Variants in CADPS2 observed in about 807,000 individuals in gnomAD.
CADPS2 encodes the protein calcium-dependent secretion activator 2.
A neutral mutation model predicts 172.5 loss-of-function variants in CADPS2; 93 were observed. The ratio of observed to expected loss-of-function variants is 0.54; its 90% CI spans 0.46 to 0.64. The LOEUF (loss-of-function observed/expected upper bound fraction) is 0.64, where lower values mean the gene tolerates loss of function less well. Ranked by LOEUF, CADPS2 falls within the 30% of genes least tolerant of loss-of-function variation. CADPS2 has a pLI of 0.00. For missense variants in CADPS2, 1,420 were observed against 1,565.9 expected (o/e 0.91, Z 1.57); for synonymous variants, 546 against 555.2 (o/e 0.98, Z 0.23).
intron 6 of CADPS2, among the ~76,000 whole-genome samples, chr7:122,592,914 C>A (rs973750261): frequency 6.6e-6 from 1 of 151,630 alleles, no homozygotes; most frequent in African/African-American, 2.4e-5. Flanking sequence ...GTGCAGCACA[C>A]CAACATGGCA....
rs185843501 is a variant in CADPS2, at chr7:122,871,844, T to G, written c.339+14155A>C. On this transcript the variant is annotated intron_variant, in intron 1 of 29. Transcript: ENST00000449022. Reference sequence around the variant, plus strand: ...GTTTTCTTCTAATACATCTGGCTACTTCTTCTCCATTTCCTTCTCCAGCTC... The same window carrying G: ...GTTTTCTTCTAATACATCTGGCTACGTCTTCTCCATTTCCTTCTCCAGCTC... Among the ~76,000 whole-genome samples the G allele has an allele frequency of 2.0e-3, 307 of 152,220 alleles. 1 individual carries two copies. The highest frequency in any genetic ancestry group is 0.011 in the South Asian group (51 of 4,828).
intron 2 of CADPS2, among the ~76,000 whole-genome samples, chr7:122,669,393 A>C (rs1354971823): frequency 6.6e-6 from 1 of 150,982 alleles, no homozygotes; most frequent in African/African-American, 2.4e-5. Flanking sequence ...CTACCCCCAC[A>C]CACTGAAATC....
chr7:122,558,573 C>T (rs978725394), intron 7 of CADPS2, among the ~76,000 whole-genome samples: 1 of 152,038 alleles, frequency 6.6e-6, no homozygotes, highest in Non-Finnish European at 1.5e-5. Flanking sequence ...TGTCACTTGT[C>T]ATCTTTGCTA....
intron 2 of CADPS2, among the ~76,000 whole-genome samples, chr7:122,709,753 T>C (rs528426177): frequency 4.6e-5 from 7 of 152,064 alleles, no homozygotes; most frequent in Non-Finnish European, 8.8e-5. Context: ...TCACGTCCTT[T>C]GTAGGGACAT....
intron 1 of CADPS2, among the ~76,000 whole-genome samples, chr7:122,835,450 T>C (rs370844646): frequency 5.3e-5 from 8 of 152,048 alleles, no homozygotes; most frequent in African/African-American, 1.9e-4. Context: ...CTTTGACGAG[T>C]TGAGAGAAGA....
intron 1 of CADPS2, among the ~76,000 whole-genome samples, chr7:122,778,167 A>C (rs139466959): frequency 0.019 from 2,876 of 152,266 alleles, 46 homozygotes; most frequent in Non-Finnish European, 0.03. Context: ...GATGGAGATA[A>C]GGAACCTGTT....
intron 2 of CADPS2, 75 bp from the exon 3 acceptor site, chr7:122,663,644 A>G: frequency 1.9e-6 from 2 of 1,058,830 alleles, no homozygotes; most frequent in Non-Finnish European, 2.7e-6. Flanking sequence ...ACTTGCTTTC[A>G]GCAATCCAGC....
Position 122,825,910 on chromosome 7 carries a change from T to C in CADPS2, c.339+60089A>G, listed in dbSNP as rs527483901. The stretch of plus-strand genomic sequence containing the variant: ...CAAGTGGGAGCGTAGAATTCTGCTC[T>C]GGAGAGAATTTCAAAAGGTGCCTAA... On this transcript the variant is annotated intron_variant, in intron 1 of 29. Transcript: ENST00000449022. Among the ~76,000 whole-genome samples the C allele has an allele frequency of 1.3e-4, 20 of 152,296 alleles. 1 individual carries two copies. In the South Asian group the frequency reaches 3.5e-3, roughly 27 times the overall value.
chr7:122,881,940 ATTCT>A (rs1823030165), intron 1 of CADPS2, among the ~76,000 whole-genome samples: 1 of 152,134 alleles, frequency 6.6e-6, no homozygotes, highest in Non-Finnish European at 1.5e-5. Context: ...TTCCTCACTA[ATTCT>A]TTGAGGCATG....
intron 3 of CADPS2, among the ~76,000 whole-genome samples, chr7:122,630,991 C>A (rs1291199584): frequency 1.3e-5 from 2 of 152,058 alleles, no homozygotes; most frequent in African/African-American, 2.4e-5. Flanking sequence ...TTTCTCTTCA[C>A]TGTGTCTAAA....
intron 3 of CADPS2, among the ~76,000 whole-genome samples, chr7:122,648,233 C>T (rs2078767828): frequency 6.6e-6 from 1 of 152,072 alleles, no homozygotes; most frequent in African/African-American, 2.4e-5. Flanking sequence ...TCCTTGTGTC[C>T]ACAGAACTCT....
intron 3 of CADPS2, among the ~76,000 whole-genome samples, chr7:122,658,544 A>G (rs1054026683): frequency 6.6e-6 from 1 of 152,246 alleles, no homozygotes; most frequent in African/African-American, 2.4e-5. Context: ...CCATGGAAAT[A>G]CTATGCAGCC....
rs1157860331 is a variant in CADPS2 at position 122,718,842 on chromosome 7, T to C, written c.453+18113A>G. ...CAGAGAACAGATACAATGGAATTAA[T>C]CTGTTTCTTAGAAAGAATGTGCCCA... On this transcript the variant is annotated intron_variant, in intron 2 of 29. Coordinates refer to ENST00000449022, the MANE Select transcript of CADPS2 (RefSeq NM_017954.11). Among the ~76,000 whole-genome samples the C allele has an allele frequency of 3.3e-5, 5 of 152,238 alleles. No homozygotes were observed. In the East Asian group the frequency reaches 7.7e-4, roughly 24 times the overall value.
intron 11 of CADPS2, among the ~76,000 whole-genome samples, chr7:122,483,042 G>A (rs144323272): frequency 3.3e-5 from 5 of 152,306 alleles, no homozygotes; most frequent in African/African-American, 9.6e-5. Context: ...TAAGAAAGAT[G>A]TTGGTCCAGA....
At chr7:122,753,561 T>C (rs924685771) in intron 1 of CADPS2, among the ~76,000 whole-genome samples, 3 of 152,182 alleles carry the variant, frequency 2.0e-5, no homozygotes, top group Non-Finnish European at 4.4e-5. Context: ...TAGTGATATT[T>C]TGGGAAAAGT....
At chr7:122,562,333 T>A (rs1333326241) in intron 7 of CADPS2, among the ~76,000 whole-genome samples, 1 of 151,806 alleles carries the variant, frequency 6.6e-6, no homozygotes, top group East Asian at 1.9e-4. Flanking sequence ...GGCAGAAGAG[T>A]CAGTGTTGAT....
intron 3 of CADPS2, among the ~76,000 whole-genome samples, chr7:122,640,784 A>G (rs2077551082): frequency 6.6e-6 from 1 of 152,062 alleles, no homozygotes; most frequent in South Asian, 2.1e-4. Context: ...AATACAAAAA[A>G]TTAGCCGGAC....
At chr7:122,587,599 A>C (rs566301496) in intron 6 of CADPS2, among the ~76,000 whole-genome samples, 1 of 152,312 alleles carries the variant, frequency 6.6e-6, no homozygotes, top group Non-Finnish European at 1.5e-5. Flanking sequence ...TCTTTGCAAC[A>C]GAATGATTTA....
intron 8 of CADPS2, among the ~76,000 whole-genome samples, chr7:122,522,190 C>T (rs1421673793): frequency 3.3e-5 from 5 of 152,120 alleles, no homozygotes; most frequent in African/African-American, 1.2e-4. Flanking sequence ...TCTTGGCTCA[C>T]TGAAAACTCC....
Sources: allele counts gnomAD v4.1 joint callset (sites outside exome capture counted in the v4.1 genomes callset), GRCh38; gene constraint gnomAD v4.1.1; transcripts MANE v1.5; gene names NCBI Gene and HGNC (gene_info 2026-07-23, HGNC 2026-07-21).